CADPS2: variants seen among roughly 807,000 people sequenced by gnomAD.
CADPS2 encodes calcium dependent secretion activator 2, also known as calcium-dependent secretion activator 2.
CADPS2 carries 93 observed loss-of-function variants against 172.5 expected under a neutral mutation model. The ratio of observed to expected loss-of-function variants is 0.54; its 90% CI spans 0.46 to 0.64. CADPS2 has a LOEUF of 0.64. Ranked by LOEUF, CADPS2 falls within the 30% of genes least tolerant of loss-of-function variation. The probability of loss-of-function intolerance (pLI) is 0.00; values close to 1 mark genes in which losing one functional copy is unlikely to be tolerated. For synonymous variants in CADPS2, 546 were observed against 555.2 expected, an observed-to-expected ratio of 0.98 and a Z score of 0.23; for missense variants, 1,420 against 1,565.9, an observed-to-expected ratio of 0.91 and a Z score of 1.57.
At chr7:122,370,801 AC>A (rs1284756429) in intron 25 of CADPS2, among the ~76,000 whole-genome samples, 1 of 152,136 alleles carries the variant, frequency 6.6e-6, no homozygotes, top group Non-Finnish European at 1.5e-5. Context: ...AAACTATGAA[AC>A]CAATAGAACT....
At chr7:122,707,638 T>TG (rs2087799385) in intron 2 of CADPS2, among the ~76,000 whole-genome samples, 1 of 151,932 alleles carries the variant, frequency 6.6e-6, no homozygotes, top group South Asian at 2.1e-4. Context: ...CAACTATGTA[T>TG]GTTTTTTTTG....
At chr7:122,873,537 A>G (rs1425287415) in intron 1 of CADPS2, among the ~76,000 whole-genome samples, 1 of 151,906 alleles carries the variant, frequency 6.6e-6, no homozygotes. Flanking sequence ...TCCGTGGTGT[A>G]TATGTGCCAC....
intron 3 of CADPS2, among the ~76,000 whole-genome samples, chr7:122,642,235 G>A (rs1486110975): frequency 2.0e-5 from 3 of 146,436 alleles, no homozygotes; most frequent in South Asian, 2.2e-4. Context: ...AGCCTTCATC[G>A]CATTACTGCA....
In CADPS2 at chr7:122,731,997, A is replaced by G. The variant is rs544208165; in HGVS notation, c.453+4958T>C. On this transcript the variant is annotated intron_variant, in intron 2 of 29. Coordinates refer to ENST00000449022, the MANE Select transcript of CADPS2 (RefSeq NM_017954.11). ...ACATCTTATTAAAAATATGATATAAATTATATTGTTACATAAAAATCATTA... is the reference window on the plus strand; with the variant it reads ...ACATCTTATTAAAAATATGATATAAGTTATATTGTTACATAAAAATCATTA... 9.9e-5 allele frequency among the ~76,000 whole-genome samples: 15 copies of G among 151,894 alleles called. No homozygotes were observed. In the East Asian group the frequency reaches 2.9e-3, roughly 29 times the overall value.
intron 3 of CADPS2, among the ~76,000 whole-genome samples, chr7:122,641,784 C>T (rs748968587): frequency 2.0e-5 from 3 of 151,640 alleles, no homozygotes; most frequent in Non-Finnish European, 2.9e-5. Flanking sequence ...TTTTCTATAC[C>T]TACAGTACAG....
intron 1 of CADPS2, among the ~76,000 whole-genome samples, chr7:122,846,053 G>T (rs1811913031): frequency 1.3e-5 from 2 of 152,180 alleles, no homozygotes; most frequent in Admixed American, 1.3e-4. Flanking sequence ...CTGTTTATCT[G>T]TAAGATTTCA....
At chr7:122,388,023 T>C (rs1049675274) in intron 23 of CADPS2, among the ~76,000 whole-genome samples, 1 of 149,338 alleles carries the variant, frequency 6.7e-6, no homozygotes, top group Non-Finnish European at 1.5e-5. Context: ...GCAAAGCTGA[T>C]TTTTTAAAAC....
chr7:122,633,007 G>A (rs911279598), intron 3 of CADPS2, among the ~76,000 whole-genome samples: 2 of 152,058 alleles, frequency 1.3e-5, no homozygotes, highest in East Asian at 1.9e-4. Flanking sequence ...GATAGTTGTA[G>A]GTGTGCAGGT....
At chr7:122,355,160 G>A (rs2039215339) in intron 27 of CADPS2, among the ~76,000 whole-genome samples, 1 of 152,106 alleles carries the variant, frequency 6.6e-6, no homozygotes, top group Non-Finnish European at 1.5e-5. Context: ...ATCTTCAACT[G>A]TGCTATAATT....
intron 2 of CADPS2, among the ~76,000 whole-genome samples, chr7:122,689,757 T>C (rs2084089002): frequency 6.6e-6 from 1 of 152,110 alleles, no homozygotes; most frequent in Non-Finnish European, 1.5e-5. Flanking sequence ...CTTGGTGTAG[T>C]GATCGTGTTA....
At chr7:122,542,210 A>G (rs1473283314) in intron 8 of CADPS2, among the ~76,000 whole-genome samples, 1 of 152,136 alleles carries the variant, frequency 6.6e-6, no homozygotes, top group Non-Finnish European at 1.5e-5. Flanking sequence ...TTAAGATCAC[A>G]CAGTGATGAG....
intron 1 of CADPS2, among the ~76,000 whole-genome samples, chr7:122,843,816 CATG>C (rs1482929965): frequency 1.3e-5 from 2 of 152,264 alleles, no homozygotes; most frequent in Admixed American, 6.5e-5. Context: ...GATGAGTCTA[CATG>C]ATGAAATGGC....
Position 122,393,223 on chromosome 7 carries a change from G to A in CADPS2, c.2981C>T (p.Ser994Leu), listed in dbSNP as rs371127285. The A allele has an allele frequency of 1.1e-4, 184 of 1,613,662 alleles. 1 individual carries two copies. The highest frequency in any genetic ancestry group is 1.3e-4 in the Non-Finnish European group (158 of 1,179,790). Reference protein sequence around the residue: ...LPQIPNISTASWMPSLYESTN... With the variant: ...LPQIPNISTALWMPSLYESTN... ...GGACTCATATAAAGAAGGCATCCAC[G>A]AAGCAGTAGAAATGTTAGGAATCTG... The change falls in exon 22 of 30, where the codon TCG becomes TTG. Residue 994 changes from serine (S) to leucine (L), a missense_variant. Coordinates refer to ENST00000449022, the MANE Select transcript of CADPS2 (RefSeq NM_017954.11).
At chr7:122,516,891 T>C (rs190274990) in intron 8 of CADPS2, among the ~76,000 whole-genome samples, 6 of 152,098 alleles carry the variant, frequency 3.9e-5, no homozygotes, top group Admixed American at 2.0e-4. Flanking sequence ...CTTCCTTTTA[T>C]TGTTTGAGTA....
intron 25 of CADPS2, among the ~76,000 whole-genome samples, chr7:122,368,761 C>T (rs532086760): frequency 1.4e-4 from 22 of 152,260 alleles, no homozygotes; most frequent in South Asian, 2.1e-4. Context: ...TCCAGCATTC[C>T]GTGCGCCATG....
At chr7:122,454,565 G>A (rs2053531651) in intron 14 of CADPS2, among the ~76,000 whole-genome samples, 1 of 152,166 alleles carries the variant, frequency 6.6e-6, no homozygotes, top group Admixed American at 6.6e-5. Flanking sequence ...CTAAGGTGGA[G>A]ACGTTAAAAA....
chr7:122,360,797 A>G lies in CADPS2; in HGVS notation c.3495T>C (p.Val1165=), dbSNP rs1219574970. The G allele has an allele frequency of 1.2e-5, 18 of 1,559,094 alleles. No homozygotes were observed. The highest frequency in any genetic ancestry group is 1.6e-5 in the Non-Finnish European group (18 of 1,152,070). Residue 1165 remains valine, a synonymous_variant, in exon 27 of 30, where the codon GTT becomes GTC. Transcript: ENST00000449022. ...SFTVKAAAKY[V]DVPKPGMDLA... ...GATAAAAAATACTTACTGGAACATC[A>G]ACATATTTTGCAGCTGCTTTCACCT...
At chr7:122,738,169 T>A (rs2092282070) in intron 1 of CADPS2, among the ~76,000 whole-genome samples, 1 of 152,102 alleles carries the variant, frequency 6.6e-6, no homozygotes, top group Non-Finnish European at 1.5e-5. Context: ...TTATCAATCA[T>A]GTCCTCTAGT....
In CADPS2 at chr7:122,702,564, C is replaced by T. The variant is rs755650827; in HGVS notation, c.453+34391G>A. On this transcript the variant is annotated intron_variant, in intron 2 of 29. Transcript: ENST00000449022. Reference sequence around the variant, plus strand: ...ACCCTTTCCAGAGGAGAATGATTCCCGAACACTCCACTCTCTCCTAATTCC... The same window carrying T: ...ACCCTTTCCAGAGGAGAATGATTCCTGAACACTCCACTCTCTCCTAATTCC... 28 of 1,613,360 alleles carry T rather than the reference C, an allele frequency of 1.7e-5. No homozygotes were observed. Among genetic ancestry groups the T allele is most frequent in the South Asian group, 6.6e-5 (6 of 91,072 alleles).
Sources: gnomAD v4.1 joint callset for allele counts (sites outside exome capture counted in the v4.1 genomes callset) on GRCh38, gnomAD v4.1.1 for gene constraint, MANE v1.5 for transcripts, NCBI Gene and HGNC (gene_info 2026-07-23, HGNC 2026-07-21) for gene names.